The following TMEM144 variants were observed in gnomAD, a reference collection of about 807,000 sequenced individuals.
TMEM144 encodes the protein transmembrane protein 144.
Under a neutral mutation model 43.6 loss-of-function variants are expected in TMEM144, and 39 were observed. That is an observed-to-expected ratio of 0.90 (90% CI 0.69 to 1.17). The LOEUF (loss-of-function observed/expected upper bound fraction) is 1.17. TMEM144 is among the 50% of genes most tolerant of loss of function. The pLI, the probability that TMEM144 is intolerant of heterozygous loss-of-function variation, is 0.00. For synonymous variants in TMEM144, 154 were observed against 133.6 expected, an observed-to-expected ratio of 1.15 and a Z score of -1.06; for missense variants, 417 against 411.9, an observed-to-expected ratio of 1.01 and a Z score of -0.11.
chr4:158,240,077 G>C (rs774323472), intron 9 of TMEM144, among the ~76,000 whole-genome samples: 1 of 152,066 alleles, frequency 6.6e-6, no homozygotes, highest in Non-Finnish European at 1.5e-5. Context: ...AGTAAAGGCA[G>C]GGTTTCACTG....
chr4:158,219,488 G>C, intron 6 of TMEM144, 98 bp downstream of exon 6: 2 of 1,161,704 alleles, frequency 1.7e-6, no homozygotes, highest in Non-Finnish European at 2.5e-6. Context: ...CCTACATTTC[G>C]TAAAATCCAC....
At chr4:158,230,530 C>T (rs1479032416) in intron 6 of TMEM144, among the ~76,000 whole-genome samples, 1 of 151,828 alleles carries the variant, frequency 6.6e-6, no homozygotes, top group Admixed American at 6.6e-5. Flanking sequence ...AGAGGATTTT[C>T]GTTGTATAAT....
At chr4:158,227,257 T>G (rs1734821024) in intron 6 of TMEM144, among the ~76,000 whole-genome samples, 2 of 152,162 alleles carry the variant, frequency 1.3e-5, no homozygotes, top group African/African-American at 2.4e-5. Context: ...TGAGGTTTCC[T>G]CTAAAAGTTA....
At chr4:158,214,226 C>A (rs772738674) in intron 3 of TMEM144, among the ~76,000 whole-genome samples, 3 of 152,030 alleles carry the variant, frequency 2.0e-5, no homozygotes, top group Non-Finnish European at 2.9e-5. Flanking sequence ...ATGGTAGAGA[C>A]GGAATCTCAA....
At chr4:158,244,716 A>G (rs1735802767) in intron 12 of TMEM144, among the ~76,000 whole-genome samples, 1 of 152,168 alleles carries the variant, frequency 6.6e-6, no homozygotes, top group South Asian at 2.1e-4. Flanking sequence ...TAAAGTATTT[A>G]ATATGTTTGT....
intron 8 of TMEM144, among the ~76,000 whole-genome samples, chr4:158,237,174 AT>A (rs1470730993): frequency 6.6e-6 from 1 of 152,250 alleles, no homozygotes; most frequent in Non-Finnish European, 1.5e-5. Context: ...CAGTATATAG[AT>A]ATCTCAATTT....
At position 158,240,297 on chromosome 4, in the gene TMEM144, A is replaced by G; in HGVS notation, c.683-2A>G. On this transcript the variant is annotated splice_acceptor_variant, in intron 9 of 12. Transcript: ENST00000296529. LOFTEE classifies it high-confidence loss of function. ...TTGAGAGTTTTTAATGTCTATTTTC[A>G]GATTTAGACTATGTGTTTGCGCACT... 6.2e-7 allele frequency: 1 copy of G among 1,600,436 alleles called. No individual in the cohort carries two copies. The highest frequency in any genetic ancestry group is 1.3e-5 in the African/African-American group (1 of 74,146).
intron 12 of TMEM144, among the ~76,000 whole-genome samples, chr4:158,249,521 A>G (rs1736072677): frequency 6.6e-6 from 1 of 152,226 alleles, no homozygotes; most frequent in African/African-American, 2.4e-5. Context: ...TTGCCCAACT[A>G]TAATTAGTCT....
intron 6 of TMEM144, among the ~76,000 whole-genome samples, chr4:158,228,546 G>A (rs891607386): frequency 1.3e-5 from 2 of 152,074 alleles, no homozygotes; most frequent in East Asian, 1.9e-4. Context: ...CCACTGCGTC[G>A]ATCCTCCACA....
chr4:158,211,823 A>T (rs376124920), intron 2 of TMEM144: 1 of 152,184 alleles, frequency 6.6e-6, no homozygotes, highest in Non-Finnish European at 1.5e-5. Context: ...TTTCAGTTAA[A>T]CTATCTTTAA....
At chr4:158,218,578 G>A (rs145131255) in intron 5 of TMEM144, among the ~76,000 whole-genome samples, 93 of 142,014 alleles carry the variant, frequency 6.5e-4, no homozygotes, top group African/African-American at 2.5e-3. Context: ...TAATGATCAC[G>A]GCAATGTCAG....
chr4:158,232,536 G>A (rs971999820), intron 6 of TMEM144, among the ~76,000 whole-genome samples: 38 of 152,160 alleles, frequency 2.5e-4, no homozygotes, highest in Non-Finnish European at 4.0e-4. Flanking sequence ...GTCCCCTAGC[G>A]TTTGTCCAAC....
At chr4:158,228,395 A>T (rs1427254131) in intron 6 of TMEM144, among the ~76,000 whole-genome samples, 4 of 151,496 alleles carry the variant, frequency 2.6e-5, no homozygotes, top group Non-Finnish European at 5.9e-5. Context: ...CCAAAACTAA[A>T]TCAAAGTGCC....
chr4:158,248,316 C>A (rs1735997563), intron 12 of TMEM144, among the ~76,000 whole-genome samples: 1 of 152,014 alleles, frequency 6.6e-6, no homozygotes, highest in Non-Finnish European at 1.5e-5. Flanking sequence ...CCTCTAGTCC[C>A]AGCTGTTTGG....
At chr4:158,239,483 G>A (rs551745933) in intron 9 of TMEM144, among the ~76,000 whole-genome samples, 103 of 152,260 alleles carry the variant, frequency 6.8e-4, no homozygotes, top group Non-Finnish European at 1.1e-3. Context: ...ATCAACAATT[G>A]AATAAAGCCC....
At chr4:158,228,580 G>A (rs936993361) in intron 6 of TMEM144, among the ~76,000 whole-genome samples, 2 of 152,164 alleles carry the variant, frequency 1.3e-5, no homozygotes, top group Admixed American at 6.5e-5. Flanking sequence ...CACTGCTCTG[G>A]TGAGGCATCC....
chr4:158,251,443 T>A (rs1488767194), intron 12 of TMEM144, among the ~76,000 whole-genome samples: 1 of 152,160 alleles, frequency 6.6e-6, no homozygotes, highest in Non-Finnish European at 1.5e-5. Flanking sequence ...GAGACAGGAA[T>A]AATACAGGGT....
At chr4:158,219,010 G>A (rs894817016) in intron 5 of TMEM144, among the ~76,000 whole-genome samples, 2 of 152,110 alleles carry the variant, frequency 1.3e-5, no homozygotes, top group African/African-American at 4.8e-5. Context: ...CTACTTGGGA[G>A]GCTGAGGCAG....
At position 158,254,707 on chromosome 4, in the gene TMEM144, A is replaced by G. The variant is rs541011477; in HGVS notation, c.*1180A>G. ...CTTTGAGATAACGAAACCCCTATTC[A>G]AATGTAAATTTTACCCATTCCCACC... On this transcript the variant is annotated 3_prime_UTR_variant, in exon 13 of 13. Coordinates refer to ENST00000296529, the MANE Select transcript of TMEM144 (RefSeq NM_018342.5). 1 of 152,338 alleles carries G rather than the reference A, an allele frequency of 6.6e-6. No homozygotes were observed. Among genetic ancestry groups the G allele is most frequent in the Admixed American group, 6.5e-5 (1 of 15,300 alleles). The allele number at this position is 152,338 out of a possible 1,614,324, so 9.4% of individuals were successfully genotyped here.
Sources: allele counts gnomAD v4.1 joint callset (sites outside exome capture counted in the v4.1 genomes callset), GRCh38; gene constraint gnomAD v4.1.1; transcripts MANE v1.5; gene names NCBI Gene and HGNC (gene_info 2026-07-23, HGNC 2026-07-21).